Variants in HIPK2 observed in about 807,000 individuals in gnomAD.
HIPK2 encodes the protein homeodomain interacting protein kinase 2.
A neutral mutation model predicts 113.7 loss-of-function variants in HIPK2; 27 were observed. The observed-to-expected ratio is 0.24, with a 90% confidence interval of 0.17 to 0.33. HIPK2 has a LOEUF of 0.33. Ranked by LOEUF, HIPK2 falls within the 10% of genes least tolerant of loss-of-function variation. HIPK2 has a pLI of 1.00. For synonymous variants in HIPK2, 631 were observed against 642.2 expected (o/e 0.98, Z 0.26); for missense variants, 1,257 against 1,588.0 (o/e 0.79, Z 3.54).
Position 139,573,067 on chromosome 7 carries a change from G to C in HIPK2, c.3457C>G (p.Leu1153Val), listed in dbSNP as rs1798354545. 1 of 1,612,092 alleles carries C rather than the reference G, an allele frequency of 6.2e-7. No individual in the cohort carries two copies. Among genetic ancestry groups the C allele is most frequent in the Non-Finnish European group, 8.5e-7 (1 of 1,179,186 alleles). Reference protein sequence around the residue: ...QVPVSMGPRVLPSPTIHPSQY... With the variant: ...QVPVSMGPRVVPSPTIHPSQY... ...CTCGGGTGGATGGTGGGCGAGGGCA[G>C]GACCCGGGGGCCCATGCTCACGGGG... Residue 1153 changes from leucine to valine, a missense_variant, in exon 15 of 15, where the codon CTG becomes GTG. Physicochemically the swap from Leu to Val is conservative, Grantham distance 32. This residue lies in a region of HIPK2 where 862 missense variants were observed against 1,004.3 expected (regional missense o/e 0.86). Transcript: ENST00000406875.
At chr7:139,600,802 T>A (rs1315526695) in intron 10 of HIPK2, among the ~76,000 whole-genome samples, 1 of 152,190 alleles carries the variant, frequency 6.6e-6, no homozygotes, top group Non-Finnish European at 1.5e-5. Context: ...CATAACTGGC[T>A]GTGAGTGAGA....
chr7:139,759,047 G>A (rs1796406819), intron 1 of HIPK2, among the ~76,000 whole-genome samples: 1 of 151,966 alleles, frequency 6.6e-6, no homozygotes, highest in Admixed American at 6.5e-5. Flanking sequence ...GAAAAAAAAT[G>A]CAACTCATAG....
chr7:139,636,069 G>A (rs573988165), intron 2 of HIPK2, among the ~76,000 whole-genome samples: 13 of 152,214 alleles, frequency 8.5e-5, no homozygotes, highest in Non-Finnish European at 1.3e-4. Context: ...CGTCACTGAC[G>A]CGCTGCACTT....
chr7:139,729,434 T>G (rs1795703372), intron 1 of HIPK2, among the ~76,000 whole-genome samples: 1 of 151,992 alleles, frequency 6.6e-6, no homozygotes, highest in Non-Finnish European at 1.5e-5. Context: ...CAGTTTTGAT[T>G]CTGTGTGTGT....
intron 8 of HIPK2, 129 bp downstream of exon 8, chr7:139,614,157 C>T (rs1273529277): frequency 2.1e-5 from 18 of 857,496 alleles, no homozygotes; most frequent in South Asian, 3.5e-5. Context: ...GTGATACCAG[C>T]GCTCTCACTG....
intron 2 of HIPK2, among the ~76,000 whole-genome samples, chr7:139,684,095 T>C (rs143660812): frequency 1.5e-3 from 229 of 152,324 alleles, no homozygotes; most frequent in African/African-American, 5.2e-3. Flanking sequence ...TTTCAAACTT[T>C]TTCATCATTG....
At chr7:139,734,965 T>C (rs951360263) in intron 1 of HIPK2, among the ~76,000 whole-genome samples, 1 of 152,184 alleles carries the variant, frequency 6.6e-6, no homozygotes, top group East Asian at 1.9e-4. Context: ...TGACGTAAAA[T>C]GTAATTAATG....
chr7:139,720,502 G>A (rs778916143), intron 1 of HIPK2, among the ~76,000 whole-genome samples: 4 of 152,158 alleles, frequency 2.6e-5, no homozygotes, highest in Non-Finnish European at 2.9e-5. Context: ...TTCAGAATCC[G>A]TACTTCACCC....
In HIPK2 at chr7:139,777,821, CGCCGCCGCT is replaced by C. The variant is rs1202131974; in HGVS notation, c.-207_-199del. The C allele has an allele frequency of 4.4e-5, 11 of 249,992 alleles. No individual in the cohort carries two copies. In the South Asian group the frequency reaches 5.5e-4, roughly 13 times the overall value. The allele number at this position is 249,992 out of a possible 1,614,324, so 15.5% of individuals were successfully genotyped here. A position where few individuals can be genotyped will look rare whatever the true frequency, so the allele number is the denominator to read the frequency against. ...GGGCCGGGCGCGCCGCCGCCGCCGC[CGCCGCCGCT>C]GCCGCCCGGGCCCGGCGCGGGGGGC... On this transcript the variant is annotated 5_prime_UTR_variant, in exon 1 of 15. Transcript: ENST00000406875.
chr7:139,584,968 G>T (rs1766793024), intron 12 of HIPK2, among the ~76,000 whole-genome samples: 1 of 152,210 alleles, frequency 6.6e-6, no homozygotes, highest in African/African-American at 2.4e-5. Context: ...AGTTAGTGTG[G>T]TTACTTTGGG....
intron 2 of HIPK2, among the ~76,000 whole-genome samples, chr7:139,633,038 G>A (rs1800673098): frequency 6.9e-6 from 1 of 144,094 alleles, no homozygotes; most frequent in East Asian, 2.1e-4. Context: ...GGAGGTTGCA[G>A]TGAGCTGAGA....
intron 12 of HIPK2, among the ~76,000 whole-genome samples, chr7:139,594,175 C>T (rs1246870034): frequency 6.6e-6 from 1 of 152,164 alleles, no homozygotes; most frequent in Non-Finnish European, 1.5e-5. Context: ...TTCAAAGCCC[C>T]CCTCCCCTGC....
intron 13 of HIPK2, among the ~76,000 whole-genome samples, chr7:139,576,687 A>G (rs1000749785): frequency 6.6e-6 from 1 of 152,254 alleles, no homozygotes. Context: ...GGCATCACAG[A>G]TCACGCAGAT....
chr7:139,573,484 G>T, intron 14 of HIPK2, 87 bp from the exon 15 acceptor site: 1 of 1,214,964 alleles, frequency 8.2e-7, no homozygotes, highest in Non-Finnish European at 1.2e-6. Context: ...GCAGGGAGGA[G>T]GAAGAGAAGG....
chr7:139,595,653 C>T (rs945216154), intron 12 of HIPK2, among the ~76,000 whole-genome samples: 5 of 152,118 alleles, frequency 3.3e-5, no homozygotes, highest in Admixed American at 2.0e-4. Flanking sequence ...CAGAAACAAA[C>T]TAAAACCACT....
intron 9 of HIPK2, among the ~76,000 whole-genome samples, chr7:139,609,697 A>C (rs565868239): frequency 6.6e-6 from 1 of 152,206 alleles, no homozygotes; most frequent in Non-Finnish European, 1.5e-5. Flanking sequence ...AATGTTTAAA[A>C]ATATCTAGGA....
chr7:139,713,607 G>T (rs958128324), intron 2 of HIPK2, among the ~76,000 whole-genome samples: 3 of 152,174 alleles, frequency 2.0e-5, no homozygotes, highest in Non-Finnish European at 4.4e-5. Flanking sequence ...TTTACAAGTC[G>T]CCATGCTAGC....
At position 139,620,497 on chromosome 7, in the gene HIPK2, G is replaced by T. The variant is rs1800197838; in HGVS notation, c.1686C>A (p.Asn562Lys). 6.2e-7 allele frequency: 1 copy of T among 1,614,018 alleles called. No individual in the cohort carries two copies. The change falls in exon 7 of 15, where the codon AAC (asparagine) becomes AAA (lysine). Residue 562 changes from asparagine (N) to lysine (K), a missense_variant. Physicochemically the swap from Asn to Lys is moderately conservative, Grantham distance 94. Coordinates refer to ENST00000406875, the MANE Select transcript of HIPK2 (RefSeq NM_022740.5). ...GCGTGATGAAAGGGGTTTTGCTCTGGTTCACCGTGTCATACATATTCACCC... is the reference window on the plus strand; with the variant it reads ...GCGTGATGAAAGGGGTTTTGCTCTGTTTCACCGTGTCATACATATTCACCC... ...KRRVNMYDTVNQSKTPFITHV... is the reference protein window; with the variant it reads ...KRRVNMYDTVKQSKTPFITHV...
At chr7:139,732,841 G>GTA (rs997805204) in intron 1 of HIPK2, among the ~76,000 whole-genome samples, 2 of 148,936 alleles carry the variant, frequency 1.3e-5, no homozygotes, top group African/African-American at 5.0e-5. Flanking sequence ...GTGTGTGTGT[G>GTA]TGTATAAAAT....
Sources: gnomAD v4.1 joint callset for allele counts (sites outside exome capture counted in the v4.1 genomes callset) on GRCh38, gnomAD v4.1.1 for gene constraint, gnomAD v4.1.1 regional missense constraint, MANE v1.5 for transcripts, NCBI Gene and HGNC (gene_info 2026-07-23, HGNC 2026-07-21) for gene names.